The following FBLN1 variants were observed in gnomAD, a reference collection of about 807,000 sequenced individuals.
FBLN1 encodes the protein fibulin 1, also known as fibulin-1.
A neutral mutation model predicts 89.7 loss-of-function variants in FBLN1; 34 were observed. The ratio of observed to expected loss-of-function variants is 0.38; its 90% CI spans 0.29 to 0.50. FBLN1 has a LOEUF of 0.50. Ranked by LOEUF, FBLN1 falls within the 20% of genes least tolerant of loss-of-function variation. The pLI is 0.92. For synonymous variants in FBLN1, 393 were observed against 391.3 expected (o/e 1.00, Z -0.05); for missense variants, 777 against 988.1 (o/e 0.79, Z 2.86).
chr22:45,564,668 G>A (rs546897386), intron 14 of FBLN1, among the ~76,000 whole-genome samples: 6 of 152,304 alleles, frequency 3.9e-5, no homozygotes, highest in South Asian at 4.1e-4. Flanking sequence ...CTGTTGACTC[G>A]CGTTTCACAT....
chr22:45,565,548 C>T, intron 14 of FBLN1: 1 of 262,500 alleles, frequency 3.8e-6, no homozygotes, highest in East Asian at 9.2e-5. Flanking sequence ...GCATTTACCC[C>T]ATTGTGTTGT....
At chr22:45,522,752 T>C (rs2088267725) in intron 2 of FBLN1, among the ~76,000 whole-genome samples, 1 of 152,364 alleles carries the variant, frequency 6.6e-6, no homozygotes, top group African/African-American at 2.4e-5. Context: ...TAAACCCACA[T>C]GTCCTTCAGC....
In FBLN1 at chr22:45,550,699, C is replaced by T; in HGVS notation, c.1697+84C>T. 6.3e-7 allele frequency: 1 copy of T among 1,593,382 alleles called. No individual in the cohort carries two copies. The highest frequency in any genetic ancestry group is 8.6e-7 in the Non-Finnish European group (1 of 1,162,560). ...GTTCCCGGGTGGGTGGGTTATCAGG[C>T]TGTGACCTCGGTGTCCTCCCATGAG... is the stretch of plus-strand genomic sequence containing the variant. On this transcript the variant is annotated intron_variant, in intron 14 of 16. Coordinates refer to ENST00000327858, the MANE Select transcript of FBLN1 (RefSeq NM_006486.3). The surrounding 1 kb of genome is among the most constrained non-coding windows in gnomAD (Gnocchi z 8.4).
At chr22:45,511,309 C>T (rs187220010) in intron 1 of FBLN1, among the ~76,000 whole-genome samples, 10 of 151,862 alleles carry the variant, frequency 6.6e-5, no homozygotes, top group Non-Finnish European at 5.9e-5. Context: ...CATACGTCAC[C>T]ATGCCTGGTT....
intron 14 of FBLN1, among the ~76,000 whole-genome samples, chr22:45,554,823 G>A (rs1439254053): frequency 6.6e-6 from 1 of 152,216 alleles, no homozygotes; most frequent in East Asian, 1.9e-4. Context: ...CAGGAGTTCA[G>A]TACACAGGAG....
chr22:45,574,374 T>G lies in FBLN1; in HGVS notation c.1698-137T>G. On this transcript the variant is annotated intron_variant, in intron 14 of 16. Coordinates refer to ENST00000327858, the MANE Select transcript of FBLN1 (RefSeq NM_006486.3). This position sits in a 1 kb window ranked among gnomAD's most constrained non-coding sequence, Gnocchi z 4.1. ...AGAGCAGCCAGGCTGCAGAGACCAC[T>G]GTCGTTCTCTGATGGAGCTGTCTCT... 3.3e-6 allele frequency: 3 copies of G among 904,746 alleles called. No homozygotes were observed. The highest frequency in any genetic ancestry group is 3.5e-6 in the Non-Finnish European group (2 of 571,230). 56.0% of individuals were successfully genotyped at this position (904,746 alleles called of 1,614,324 possible).
At chr22:45,567,867 G>A (rs953507533) in intron 14 of FBLN1, among the ~76,000 whole-genome samples, 7 of 152,310 alleles carry the variant, frequency 4.6e-5, no homozygotes, top group Middle Eastern at 3.4e-3. Flanking sequence ...CCCAGAAAGT[G>A]TACTAGGTGC....
At chr22:45,521,658 G>A (rs746158628) in intron 2 of FBLN1, among the ~76,000 whole-genome samples, 86 of 152,338 alleles carry the variant, frequency 5.6e-4, no homozygotes, top group African/African-American at 1.3e-3. Context: ...GCCCACATAA[G>A]GGTTCAGGAG....
intron 14 of FBLN1, among the ~76,000 whole-genome samples, chr22:45,570,969 A>T (rs2088948026): frequency 6.6e-6 from 1 of 152,116 alleles, no homozygotes; most frequent in Non-Finnish European, 1.5e-5. Context: ...TACTAAAAAT[A>T]TAAAAAATTA....
rs2088389706 is a variant in FBLN1 at position 45,530,425 on chromosome 22, T to C, written c.485-840T>C. Among the ~76,000 whole-genome samples the C allele has an allele frequency of 6.6e-6, 1 of 152,070 alleles. No individual in the cohort carries two copies. Among genetic ancestry groups the C allele is most frequent in the Non-Finnish European group, 1.5e-5 (1 of 68,000 alleles). On this transcript the variant is annotated intron_variant, in intron 4 of 16. Coordinates refer to ENST00000327858, the MANE Select transcript of FBLN1 (RefSeq NM_006486.3). This position sits in a 1 kb window ranked among gnomAD's most constrained non-coding sequence, Gnocchi z 5.4. ...CCTCCTCTGGGAGGGCTTCCTGTCT[T>C]CACAGCCGCACCTTCCTCCCACTGC...
At chr22:45,582,673 C>T (rs570023430) in intron 16 of FBLN1, among the ~76,000 whole-genome samples, 11 of 152,294 alleles carry the variant, frequency 7.2e-5, no homozygotes, top group African/African-American at 2.2e-4. Context: ...AGGAGCTTCA[C>T]GGCTGGGAAT....
intron 16 of FBLN1, among the ~76,000 whole-genome samples, chr22:45,592,705 G>C (rs1182078346): frequency 1.3e-5 from 2 of 152,166 alleles, no homozygotes. Flanking sequence ...GGAGCCTCTT[G>C]GGGTGAATTT....
chr22:45,577,184 A>G lies in FBLN1; in HGVS notation c.1972+76A>G. On this transcript the variant is annotated intron_variant, in intron 16 of 16. Transcript: ENST00000327858. The surrounding 1 kb of genome is among the most constrained non-coding windows in gnomAD (Gnocchi z 6.6). ...CCGAAACCCTCTCTGGCCCAGCCCA[A>G]CTCCCATCTGAGTCCCCTCCCCAAA... 1 of 1,542,148 alleles carries G rather than the reference A, an allele frequency of 6.5e-7. No individual in the cohort carries two copies. The highest frequency in any genetic ancestry group is 1.4e-5 in the African/African-American group (1 of 73,678).
intron 1 of FBLN1, among the ~76,000 whole-genome samples, chr22:45,508,376 C>T (rs901825486): frequency 1.3e-5 from 2 of 148,948 alleles, no homozygotes; most frequent in East Asian, 2.0e-4. Context: ...ATCCTCCTGC[C>T]TCAGCCTCCC....
chr22:45,505,925 C>T (rs571080888), intron 1 of FBLN1, among the ~76,000 whole-genome samples: 6 of 152,296 alleles, frequency 3.9e-5, no homozygotes, highest in East Asian at 1.9e-4. Context: ...GCGCCCATCA[C>T]GCCCAGCTAA....
chr22:45,511,753 C>A (rs974332685), intron 1 of FBLN1, among the ~76,000 whole-genome samples: 2 of 152,076 alleles, frequency 1.3e-5, no homozygotes, highest in Non-Finnish European at 2.9e-5. Flanking sequence ...CCGGCCTCTT[C>A]CCCCATTTTT....
At chr22:45,598,448 A>G (rs904934411) in intron 16 of FBLN1, among the ~76,000 whole-genome samples, 1 of 152,224 alleles carries the variant, frequency 6.6e-6, no homozygotes, top group African/African-American at 2.4e-5. Flanking sequence ...CGGTTCATTC[A>G]TAAATGTCAG....
chr22:45,542,347 G>C (rs985709398), intron 10 of FBLN1, 64 bp downstream of exon 10: 8 of 1,601,698 alleles, frequency 5.0e-6, no homozygotes, highest in Non-Finnish European at 6.0e-6. Flanking sequence ...ACACATTTCT[G>C]TGGCACCTCG....
chr22:45,514,809 A>G (rs1261335285), intron 1 of FBLN1, among the ~76,000 whole-genome samples: 3 of 152,128 alleles, frequency 2.0e-5, no homozygotes, highest in African/African-American at 7.2e-5. Flanking sequence ...GGAGGTTTTA[A>G]TTCAGGAGGA....
Sources: allele counts gnomAD v4.1 joint callset (sites outside exome capture counted in the v4.1 genomes callset), GRCh38; gene constraint gnomAD v4.1.1; non-coding constraint Gnocchi (gnomAD v3.1); transcripts MANE v1.5; gene names NCBI Gene and HGNC (gene_info 2026-07-23, HGNC 2026-07-21).